Variants in RNF180 observed in about 807,000 individuals in gnomAD.
The protein encoded by RNF180 is E3 ubiquitin-protein ligase RNF180.
In RNF180, 38 loss-of-function variants were observed where a neutral mutation model predicts 59.2. The observed-to-expected ratio is 0.64, with a 90% CI of 0.50 to 0.84. The LOEUF (loss-of-function observed/expected upper bound fraction) is 0.84, where lower values mean the gene tolerates loss of function less well. Among genes scored for constraint, RNF180 ranks in the 40% least tolerant of loss-of-function variants. The probability of loss-of-function intolerance (pLI) is 0.00; values close to 1 mark genes in which losing one functional copy is unlikely to be tolerated. For missense variants in RNF180, 705 were observed against 700.9 expected, an observed-to-expected ratio of 1.01 and a Z score of -0.07; for synonymous variants, 262 against 240.3, an observed-to-expected ratio of 1.09 and a Z score of -0.84.
chr5:64,336,909 A>T (rs1197817357), intron 7 of RNF180, among the ~76,000 whole-genome samples: 1 of 151,704 alleles, frequency 6.6e-6, no homozygotes, highest in Non-Finnish European at 1.5e-5. Context: ...TGATATAATT[A>T]AATGTTTTTC....
intron 5 of RNF180, among the ~76,000 whole-genome samples, chr5:64,224,062 GGTGTGTGTGTGTGTGTGTGT>G (rs10694125): frequency 1.4e-5 from 2 of 141,344 alleles, no homozygotes; most frequent in Non-Finnish European, 3.1e-5. Flanking sequence ...TCTAGGTTGG[GGTGTGTGTGTGTGTGTGTGT>G]GTGTGTGTGT....
chr5:64,317,142 G>A (rs1744081493), intron 5 of RNF180, among the ~76,000 whole-genome samples: 1 of 148,998 alleles, frequency 6.7e-6, no homozygotes. Flanking sequence ...CTATATATAT[G>A]TGTGTGCGTG....
intron 5 of RNF180, among the ~76,000 whole-genome samples, chr5:64,298,467 AG>A (rs1743005272): frequency 1.3e-5 from 2 of 151,934 alleles, no homozygotes; most frequent in African/African-American, 4.8e-5. Context: ...TAGCCATAAA[AG>A]GATATTTTCT....
At position 64,204,612 on chromosome 5, in the gene RNF180, T is replaced by C. The variant is rs536712251; in HGVS notation, c.135+3670T>C. Among the ~76,000 whole-genome samples the C allele has an allele frequency of 1.4e-4, 21 of 152,328 alleles. No individual in the cohort carries two copies. In the South Asian group the frequency reaches 3.9e-3, roughly 29 times the overall value. On this transcript the variant is annotated intron_variant, in intron 2 of 7. Transcript: ENST00000389100. ...GGTTATTGTATTGCAACTATTTTTT[T>C]CCCAGTTTATGTAACTTATATTTCA...
chr5:64,200,913 A>G lies in RNF180; in HGVS notation c.106A>G (p.Met36Val). 1 of 1,613,826 alleles carries G rather than the reference A, an allele frequency of 6.2e-7. No homozygotes were observed. Among genetic ancestry groups the G allele is most frequent in the Non-Finnish European group, 8.5e-7 (1 of 1,179,772 alleles). ...ATGTATAGCAAGCTCTGGTTGTTTT[A>G]TGGAGTATCTTGAGAATCAAGTGAT... ...RKCIASSGCF[M>V]EYLENQVIKD... Residue 36 changes from methionine (M) to valine (V), a missense_variant, in exon 2 of 8, where the codon ATG becomes GTG. By Grantham distance (21) the Met-to-Val change is conservative (BLOSUM62 1). Coordinates refer to ENST00000389100, the MANE Select transcript of RNF180 (RefSeq NM_001113561.2).
intron 7 of RNF180, among the ~76,000 whole-genome samples, chr5:64,361,727 A>G (rs1746260603): frequency 6.6e-6 from 1 of 151,628 alleles, no homozygotes. Flanking sequence ...AGAATAAGTT[A>G]TGATTATGCC....
intron 5 of RNF180, among the ~76,000 whole-genome samples, chr5:64,258,501 T>C (rs1201633167): frequency 1.3e-5 from 2 of 152,096 alleles, no homozygotes; most frequent in African/African-American, 4.8e-5. Flanking sequence ...TAGTTAGATA[T>C]AATGGTTGAG....
chr5:64,232,015 G>C (rs1561206123), intron 5 of RNF180, among the ~76,000 whole-genome samples: 2 of 152,168 alleles, frequency 1.3e-5, no homozygotes. Context: ...CTACACACTT[G>C]AGAAGTCAAA....
intron 5 of RNF180, among the ~76,000 whole-genome samples, chr5:64,295,220 C>A (rs2112436936): frequency 6.6e-6 from 1 of 152,256 alleles, no homozygotes; most frequent in African/African-American, 2.4e-5. Flanking sequence ...GCCACTTGTT[C>A]TGGCCTAGCA....
At chr5:64,295,857 C>G (rs1194621378) in intron 5 of RNF180, among the ~76,000 whole-genome samples, 1 of 152,124 alleles carries the variant, frequency 6.6e-6, no homozygotes, top group Admixed American at 6.6e-5. Flanking sequence ...ATGTGTCAGG[C>G]ACTCTTCTAA....
intron 7 of RNF180, among the ~76,000 whole-genome samples, chr5:64,346,269 G>A (rs1043987788): frequency 6.6e-6 from 1 of 150,406 alleles, no homozygotes; most frequent in African/African-American, 2.4e-5. Flanking sequence ...CATGACATGA[G>A]GGAAGATAAG....
chr5:64,347,463 A>T (rs1300204574), intron 7 of RNF180, among the ~76,000 whole-genome samples: 1 of 152,146 alleles, frequency 6.6e-6, no homozygotes, highest in Non-Finnish European at 1.5e-5. Flanking sequence ...GGACTTGAGG[A>T]GTATGTTAAT....
In RNF180 at chr5:64,252,925, C is replaced by T. The variant is rs183868415; in HGVS notation, c.1227+35529C>T. Among the ~76,000 whole-genome samples the T allele has an allele frequency of 9.9e-5, 15 of 152,028 alleles. No individual in the cohort carries two copies. The East Asian group carries it at 1.7e-3, about 18-fold the overall frequency. On this transcript the variant is annotated intron_variant, in intron 5 of 7. Transcript: ENST00000389100. ...CACCACCATCACCATCACCACCCCC[C>T]GCCCCAGCACACACACACCTCAAAT... is the stretch of plus-strand genomic sequence containing the variant.
In RNF180 at chr5:64,213,780, CT is replaced by C. The variant is rs1486735345; in HGVS notation, c.455del (p.Leu152ArgfsTer2). 1.2e-6 allele frequency: 2 copies of C among 1,614,066 alleles called. No individual in the cohort carries two copies. Among genetic ancestry groups the C allele is most frequent in the Admixed American group, 1.7e-5 (1 of 59,996 alleles). On this transcript the variant is annotated frameshift_variant, in exon 4 of 8. Transcript: ENST00000389100. LOFTEE classifies it high-confidence loss of function. ...RVQSGCDKEALLTGGGSENRN... is the reference protein window; with the variant it reads ...RVQSGCDKEAXLTGGGSENRN... ...TCAGTCAGGTTGTGACAAGGAAGCTCTGCTGACAGGTGGTGGCTCTGAAAAC... is the reference window on the plus strand; with the variant it reads ...TCAGTCAGGTTGTGACAAGGAAGCTCGCTGACAGGTGGTGGCTCTGAAAAC...
At chr5:64,245,115 G>A (rs1430370565) in intron 5 of RNF180, among the ~76,000 whole-genome samples, 1 of 152,126 alleles carries the variant, frequency 6.6e-6, no homozygotes, top group Admixed American at 6.5e-5. Flanking sequence ...GGAAAAACTG[G>A]TACCAGCCGC....
chr5:64,211,652 A>T (rs907073425), intron 2 of RNF180, among the ~76,000 whole-genome samples: 3 of 152,160 alleles, frequency 2.0e-5, no homozygotes, highest in Non-Finnish European at 4.4e-5. Context: ...TCCATCCAGC[A>T]TCTTGATAGA....
chr5:64,352,339 T>C (rs984588827), intron 7 of RNF180, among the ~76,000 whole-genome samples: 3 of 151,988 alleles, frequency 2.0e-5, no homozygotes, highest in Non-Finnish European at 4.4e-5. Flanking sequence ...TTTGTTGATC[T>C]TTTCAAAAAA....
In RNF180 at chr5:64,330,390, A is replaced by G; in HGVS notation, c.1563A>G (p.Ala521=). 1 of 1,537,098 alleles carries G rather than the reference A, an allele frequency of 6.5e-7. No individual in the cohort carries two copies. Among genetic ancestry groups the G allele is most frequent in the Non-Finnish European group, 8.7e-7 (1 of 1,143,844 alleles). Residue 521 remains alanine (A), a synonymous_variant, in exon 7 of 8, where the codon GCA becomes GCG. Transcript: ENST00000389100. ...AKWPLPSCRK[A]FHLFGGFRRH... ...GGCCCCTACCAAGCTGCAGAAAAGC[A>G]TTTCATCTTTTTGGAGGTAAGGAAA...
intron 6 of RNF180, among the ~76,000 whole-genome samples, chr5:64,328,070 A>G (rs1180999193): frequency 6.6e-6 from 1 of 152,174 alleles, no homozygotes; most frequent in Non-Finnish European, 1.5e-5. Flanking sequence ...GGAAGGAATA[A>G]TAAGAATCCT....
Sources: allele counts gnomAD v4.1 joint callset (sites outside exome capture counted in the v4.1 genomes callset), GRCh38; gene constraint gnomAD v4.1.1; transcripts MANE v1.5; gene names NCBI Gene and HGNC (gene_info 2026-07-23, HGNC 2026-07-21).